The following ZNF333 variants were observed in gnomAD, a reference collection of about 807,000 sequenced individuals.
The protein encoded by ZNF333 is zinc finger protein 333.
In ZNF333, 61 loss-of-function variants were observed where a neutral mutation model predicts 76.1. The ratio of observed to expected loss-of-function variants is 0.80; its 90% CI spans 0.65 to 0.99. The LOEUF is 0.99. Among genes scored for constraint, ZNF333 ranks in the 50% least tolerant of loss-of-function variants. The pLI is 0.00. For missense variants in ZNF333, 717 were observed against 822.4 expected (o/e 0.87, Z 1.57); for synonymous variants, 284 against 305.0 (o/e 0.93, Z 0.72).
intron 11 of ZNF333, among the ~76,000 whole-genome samples, chr19:14,729,405 T>A (rs553537669): frequency 6.6e-6 from 1 of 152,174 alleles, no homozygotes; most frequent in East Asian, 1.9e-4. Context: ...GTTGTTCAGG[T>A]TGGAGTGCAG....
intron 7 of ZNF333, 76 bp from the exon 8 acceptor site, chr19:14,715,306 G>T (rs753954250): frequency 1.7e-5 from 22 of 1,294,222 alleles, no homozygotes; most frequent in Non-Finnish European, 2.4e-5. Flanking sequence ...CACAGCCAGG[G>T]TGGGCAGACT....
chr19:14,697,122 A>G (rs1450835217), intron 4 of ZNF333, among the ~76,000 whole-genome samples: 3 of 152,058 alleles, frequency 2.0e-5, no homozygotes, highest in African/African-American at 4.8e-5. Context: ...ACACACTTAA[A>G]CTACAGCAGT....
chr19:14,730,521 CTT>C (rs1292856685), intron 11 of ZNF333, among the ~76,000 whole-genome samples: 5 of 98,104 alleles, frequency 5.1e-5, no homozygotes, highest in Admixed American at 2.9e-4. Context: ...CTTTCTTTTT[CTT>C]TGTCTTCCTC....
downstream of ZNF333, among the ~76,000 whole-genome samples, chr19:14,725,089 A>G (rs2042625418): frequency 6.6e-6 from 1 of 152,226 alleles, no homozygotes; most frequent in East Asian, 1.9e-4. Flanking sequence ...CGAGGGCCTC[A>G]GGAAGCTCAC....
intron 2 of ZNF333, 40 bp from the exon 3 acceptor site, chr19:14,694,970 G>T (rs1568521310): frequency 6.2e-7 from 1 of 1,613,524 alleles, no homozygotes; most frequent in South Asian, 1.1e-5. Flanking sequence ...TCAGTGGTGG[G>T]GGTGGTATTT....
chr19:14,706,603 T>C lies in ZNF333; in HGVS notation c.424-83T>C, dbSNP rs138209767. The stretch of plus-strand genomic sequence containing the variant: ...ATGTTCCCCAAAGCAGGATCAAATA[T>C]GCACGTTCATTTGGGGTGAGCAGGT... On this transcript the variant is annotated intron_variant, in intron 6 of 11. Coordinates refer to ENST00000292530, the MANE Select transcript of ZNF333 (RefSeq NM_032433.4). 18 of 1,013,084 alleles carry C rather than the reference T, an allele frequency of 1.8e-5. No individual in the cohort carries two copies. In the African/African-American group the frequency reaches 2.7e-4, roughly 15 times the overall value. The allele number at this position is 1,013,084 out of a possible 1,614,324, so 62.8% of individuals were successfully genotyped here. A position where few individuals can be genotyped will look rare whatever the true frequency, so the allele number is the denominator to read the frequency against.
At position 14,718,519 on chromosome 19, in the gene ZNF333, G is replaced by T. The variant is rs1293628561; in HGVS notation, c.1192G>T (p.Glu398Ter). 8 of 1,614,238 alleles carry T rather than the reference G, an allele frequency of 5.0e-6. No individual in the cohort carries two copies. Among genetic ancestry groups the T allele is most frequent in the Non-Finnish European group, 5.9e-6 (7 of 1,180,032 alleles). ...TGCAGAGAAGTGCTTTGACTGTCAA[G>T]AATGTGGGCAAGCCTTCAAATATTC... ...HTAEKCFDCQ[E>*]CGQAFKYSSN... The change falls in exon 12 of 12, where the codon GAA (glutamate) becomes TAA (stop). Residue 398 changes from glutamate (E) to a stop codon, truncating the protein, a stop_gained. Coordinates refer to ENST00000292530, the MANE Select transcript of ZNF333 (RefSeq NM_032433.4). LOFTEE classifies it high-confidence loss of function.
chr19:14,702,697 G>A (rs563402766), intron 5 of ZNF333, among the ~76,000 whole-genome samples: 43 of 152,298 alleles, frequency 2.8e-4, no homozygotes, highest in African/African-American at 1.0e-3. Context: ...TGCACTAGCA[G>A]TGCCCATGTC....
chr19:14,713,520 C>G (rs2042338204), intron 7 of ZNF333, among the ~76,000 whole-genome samples: 1 of 152,116 alleles, frequency 6.6e-6, no homozygotes. Context: ...TGAGGTTGCA[C>G]ACCAAGGCAG....
At chr19:14,696,216 A>G (rs769629807) in intron 4 of ZNF333, among the ~76,000 whole-genome samples, 2 of 152,176 alleles carry the variant, frequency 1.3e-5, no homozygotes, top group Middle Eastern at 3.2e-3. Flanking sequence ...GTCACACACC[A>G]TGAAATTCAC....
chr19:14,698,899 GATATATATATATATAT>G (rs60299211), intron 4 of ZNF333, among the ~76,000 whole-genome samples: 46,139 of 132,652 alleles, frequency 0.35, 8,393 homozygotes, highest in East Asian at 0.62. Flanking sequence ...CACAAATATA[GATATATATATATATAT>G]ATATATATAT....
At chr19:14,731,409 A>T (rs1401729834) in exon 12 of ZNF333, 2 of 574,026 alleles carry the variant, frequency 3.5e-6, no homozygotes, top group Non-Finnish European at 6.2e-6. Context: ...TGGCTTCCGG[A>T]TTGTAGGTTC....
intron 7 of ZNF333, among the ~76,000 whole-genome samples, chr19:14,711,254 C>T (rs1268629747): frequency 1.3e-5 from 2 of 152,186 alleles, no homozygotes; most frequent in Non-Finnish European, 2.9e-5. Flanking sequence ...GCGAGTTTCT[C>T]TTACCAGTTA....
chr19:14,694,278 G>C (rs1973001357), intron 2 of ZNF333, among the ~76,000 whole-genome samples: 2 of 152,134 alleles, frequency 1.3e-5, no homozygotes, highest in African/African-American at 4.8e-5. Flanking sequence ...TTCAAGACCA[G>C]CCTGGCCAAC....
exon 12 of ZNF333, chr19:14,732,981 G>A (rs1313706514): frequency 8.6e-5 from 13 of 151,988 alleles, no homozygotes; most frequent in Admixed American, 7.9e-4. Context: ...GACTCTATGG[G>A]GATATGGGCT....
At chr19:14,698,938 A>C (rs1468911735) in intron 4 of ZNF333, among the ~76,000 whole-genome samples, 1 of 146,160 alleles carries the variant, frequency 6.8e-6, no homozygotes, top group Non-Finnish European at 1.5e-5. Context: ...ATATATATAC[A>C]CACATATATA....
intron 9 of ZNF333, 111 bp from the exon 10 acceptor site, chr19:14,716,883 A>G: frequency 2.2e-6 from 2 of 904,912 alleles, no homozygotes; most frequent in Middle Eastern, 2.4e-4. Context: ...ATTTAGGCAC[A>G]TGCATTTTGC....
rs549106825 is a variant in ZNF333, at chr19:14,730,425, G to GTCCT, written c.901-739_901-736dup. ...TTCTCTCTTATCCCACCATCAGTCTGTCCTTCCTTCCTTCTTTCCTTCCTC... is the reference window on the plus strand; with the variant it reads ...TTCTCTCTTATCCCACCATCAGTCTGTCCTTCCTTCCTTCCTTCTTTCCTTCCTC... On this transcript the variant is annotated intron_variant, in intron 11 of 11. Coordinates refer to the ZNF333 transcript ENST00000540689. 4.3e-5 allele frequency among the ~76,000 whole-genome samples: 4 copies of GTCCT among 93,038 alleles called. No homozygotes were observed. The East Asian group carries it at 1.3e-3, about 30-fold the overall frequency. 61.0% of individuals were successfully genotyped at this position (93,038 alleles called of 152,430 possible). A position where few individuals can be genotyped will look rare whatever the true frequency, so the allele number is the denominator to read the frequency against.
chr19:14,732,520 G>A (rs2042680879), exon 12 of ZNF333: 1 of 152,158 alleles, frequency 6.6e-6, no homozygotes, highest in Admixed American at 6.5e-5. Context: ...ATAAATTAGT[G>A]TAGAGTGAAG....
Sources: allele counts gnomAD v4.1 joint callset (sites outside exome capture counted in the v4.1 genomes callset), GRCh38; gene constraint gnomAD v4.1.1; transcripts MANE v1.5; gene names NCBI Gene and HGNC (gene_info 2026-07-23, HGNC 2026-07-21).